The following MYO16 variants were observed in gnomAD, a reference collection of about 807,000 sequenced individuals.
MYO16 encodes unconventional myosin-XVI.
In MYO16, 94 loss-of-function variants were observed where a neutral mutation model predicts 205.3. The ratio of observed to expected loss-of-function variants is 0.46; its 90% CI spans 0.39 to 0.54. The LOEUF is 0.54. MYO16 is among the 20% of genes least tolerant of loss of function. The probability of loss-of-function intolerance (pLI) is 0.00; values close to 1 mark genes in which losing one functional copy is unlikely to be tolerated. For missense variants in MYO16, 2,315 were observed against 2,387.5 expected, an observed-to-expected ratio of 0.97 and a Z score of 0.63; for synonymous variants, 988 against 954.0, an observed-to-expected ratio of 1.04 and a Z score of -0.66.
chr13:109,036,043 C>T (rs547342283), intron 23 of MYO16, among the ~76,000 whole-genome samples: 4 of 152,320 alleles, frequency 2.6e-5, no homozygotes, highest in East Asian at 3.9e-4. Flanking sequence ...TAGGTGCTCA[C>T]ATTTCACAGT....
the MYO16 span, among the ~76,000 whole-genome samples, chr13:108,568,551 GT>G: frequency 1.3e-5 from 2 of 152,046 alleles, no homozygotes; most frequent in Admixed American, 6.6e-5. Context: ...TGATTGTTGA[GT>G]TGTGAAAGTT....
At chr13:109,176,041 T>C (rs1027902120) in intron 33 of MYO16, among the ~76,000 whole-genome samples, 4 of 151,924 alleles carry the variant, frequency 2.6e-5, no homozygotes, top group African/African-American at 9.7e-5. Context: ...AAGTGAAAAA[T>C]GAATAAAAAA....
At chr13:108,645,750 G>A (rs1880725116) in intron 1 of MYO16, among the ~76,000 whole-genome samples, 1 of 152,138 alleles carries the variant, frequency 6.6e-6, no homozygotes, top group South Asian at 2.1e-4. Context: ...AATGCATAAT[G>A]GCCTCAGGTG....
In MYO16 at chr13:108,694,297, C is replaced by A. The variant is rs1926500; in HGVS notation, c.293-18364C>A. ...GTTTTTAATTATTTTCAGTTTATAG[C>A]CAAAAGTGGGATTTCTTATTCATAT... On this transcript the variant is annotated intron_variant, in intron 2 of 34. Coordinates refer to ENST00000457511, the MANE Select transcript of MYO16 (RefSeq NM_001198950.3). Among the ~76,000 whole-genome samples, 1,387 of 152,170 alleles carry A rather than the reference C, an allele frequency of 9.1e-3. 16 individuals are homozygous for A. The highest frequency in any genetic ancestry group is 0.031 in the African/African-American group (1,299 of 41,518).
At chr13:108,760,122 T>A (rs1192195373) in intron 4 of MYO16, among the ~76,000 whole-genome samples, 1 of 152,222 alleles carries the variant, frequency 6.6e-6, no homozygotes, top group Admixed American at 6.5e-5. Flanking sequence ...TTGCTAACTA[T>A]AATTTCCCTA....
At chr13:108,814,350 T>C (rs1594315093) in intron 7 of MYO16, among the ~76,000 whole-genome samples, 1 of 152,112 alleles carries the variant, frequency 6.6e-6, no homozygotes, top group African/African-American at 2.4e-5. Context: ...TTTCTTTTCT[T>C]TCTGAATTTC....
intron 1 of MYO16, among the ~76,000 whole-genome samples, chr13:108,600,948 G>T (rs1878739933): frequency 6.6e-6 from 1 of 151,650 alleles, no homozygotes; most frequent in Non-Finnish European, 1.5e-5. Context: ...TCCTCATGAA[G>T]ATTTTTTTTT....
intron 1 of MYO16, among the ~76,000 whole-genome samples, chr13:108,623,240 G>A (rs894946017): frequency 1.1e-4 from 17 of 152,138 alleles, no homozygotes; most frequent in African/African-American, 4.1e-4. Context: ...TAACAATGAG[G>A]GCTACTTAAA....
intron 4 of MYO16, among the ~76,000 whole-genome samples, chr13:108,756,927 A>G (rs1195106531): frequency 6.6e-6 from 1 of 152,180 alleles, no homozygotes; most frequent in African/African-American, 2.4e-5. Context: ...AACACAGTCT[A>G]TGGGATGGCT....
At chr13:109,102,461 T>C (rs1210432059) in intron 28 of MYO16, among the ~76,000 whole-genome samples, 2 of 146,588 alleles carry the variant, frequency 1.4e-5, no homozygotes, top group Non-Finnish European at 3.0e-5. Context: ...GATAATGATA[T>C]ACATATATGT....
intron 15 of MYO16, among the ~76,000 whole-genome samples, chr13:108,905,490 C>G (rs1040494447): frequency 9.2e-5 from 14 of 152,086 alleles, no homozygotes; most frequent in African/African-American, 3.1e-4. Context: ...AGCCATGTCC[C>G]AAATCTCACT....
chr13:108,994,491 G>A (rs989764706), intron 21 of MYO16, among the ~76,000 whole-genome samples: 1 of 152,070 alleles, frequency 6.6e-6, no homozygotes, highest in Admixed American at 6.6e-5. Flanking sequence ...AAATTTGCAT[G>A]TAATTTTTTT....
chr13:108,897,882 T>A (rs1411377549), intron 14 of MYO16, 134 bp from the exon 15 acceptor site: 2 of 718,316 alleles, frequency 2.8e-6, no homozygotes, highest in African/African-American at 3.6e-5. Context: ...GTCTTAAAAA[T>A]TCAATATAGC....
intron 20 of MYO16, among the ~76,000 whole-genome samples, chr13:108,971,009 G>T (rs978029478): frequency 6.6e-6 from 1 of 152,052 alleles, no homozygotes; most frequent in African/African-American, 2.4e-5. Flanking sequence ...TCATCCATAG[G>T]ATTCTGAAAT....
chr13:108,909,063 C>G (rs1881140037), intron 15 of MYO16, among the ~76,000 whole-genome samples: 2 of 150,018 alleles, frequency 1.3e-5, no homozygotes, highest in Admixed American at 6.6e-5. Context: ...TAAAAATAAA[C>G]CTATATTAAT....
rs144159350 is a variant in MYO16, at chr13:108,947,480, A to G, written c.1926-10208A>G. Among the ~76,000 whole-genome samples, 607 of 152,368 alleles carry G rather than the reference A, an allele frequency of 4.0e-3. 4 individuals carry two copies. Among genetic ancestry groups the G allele is most frequent in the Middle Eastern group, 0.014 (4 of 294 alleles). ...AACTAATCCTACCATCTTCGAGGCC[A>G]GGCCAACCCACACTTTCTGAGCAAA... On this transcript the variant is annotated intron_variant, in intron 16 of 34. Transcript: ENST00000457511.
In MYO16 at chr13:108,629,671, G is replaced by A; in HGVS notation, c.-174G>A. 1 of 567,080 alleles carries A rather than the reference G, an allele frequency of 1.8e-6. No individual in the cohort carries two copies. Among genetic ancestry groups the A allele is most frequent in the East Asian group, 2.9e-5 (1 of 34,970 alleles). 35.1% of individuals were successfully genotyped at this position (567,080 alleles called of 1,614,324 possible). A position where few individuals can be genotyped will look rare whatever the true frequency, so the allele number is the denominator to read the frequency against. ...TATCTTAACTCCAGCTGCCGAATGAGAATGAGTTTGAAGCTTTTTGCAGGA... is the reference window on the plus strand; with the variant it reads ...TATCTTAACTCCAGCTGCCGAATGAAAATGAGTTTGAAGCTTTTTGCAGGA... On this transcript the variant is annotated 5_prime_UTR_variant, in exon 1 of 35. Coordinates refer to ENST00000457511, the MANE Select transcript of MYO16 (RefSeq NM_001198950.3).
chr13:109,187,250 A>G (rs1047099805), intron 34 of MYO16, among the ~76,000 whole-genome samples: 1 of 152,216 alleles, frequency 6.6e-6, no homozygotes, highest in African/African-American at 2.4e-5. Flanking sequence ...AGTTTCATGC[A>G]TGGCAAACAT....
At chr13:109,076,868 C>T (rs1176242717) in intron 27 of MYO16, among the ~76,000 whole-genome samples, 7 of 152,082 alleles carry the variant, frequency 4.6e-5, no homozygotes, top group Admixed American at 1.3e-4. Context: ...AAAAAGAAGA[C>T]GCTGTGGAAA....
Sources: gnomAD v4.1 joint callset for allele counts (sites outside exome capture counted in the v4.1 genomes callset) on GRCh38, gnomAD v4.1.1 for gene constraint, MANE v1.5 for transcripts, NCBI Gene and HGNC (gene_info 2026-07-23, HGNC 2026-07-21) for gene names.